The following GRID2 variants were observed in gnomAD, a reference collection of about 807,000 sequenced individuals.
GRID2 encodes glutamate ionotropic receptor delta type subunit 2.
GRID2 carries 33 observed loss-of-function variants against 114.8 expected under a neutral mutation model. The observed-to-expected ratio is 0.29, with a 90% CI of 0.22 to 0.38. The LOEUF is 0.38. Among genes scored for constraint, GRID2 ranks in the 10% least tolerant of loss-of-function variants. The probability of loss-of-function intolerance (pLI) is 1.00; values close to 1 mark genes in which losing one functional copy is unlikely to be tolerated. For missense variants in GRID2, 1,184 were observed against 1,257.7 expected, an observed-to-expected ratio of 0.94 and a Z score of 0.89; for synonymous variants, 505 against 449.9, an observed-to-expected ratio of 1.12 and a Z score of -1.55.
At chr4:92,957,359 T>C (rs1411866360) in intron 2 of GRID2, among the ~76,000 whole-genome samples, 3 of 152,146 alleles carry the variant, frequency 2.0e-5, no homozygotes, top group African/African-American at 4.8e-5. Flanking sequence ...TTAGATTCAT[T>C]TTTCTCCAGG....
chr4:92,984,581 C>T (rs1754394890), intron 2 of GRID2, among the ~76,000 whole-genome samples: 1 of 152,160 alleles, frequency 6.6e-6, no homozygotes, highest in Non-Finnish European at 1.5e-5. Context: ...CACCATAAAC[C>T]TCCGAGGTAG....
intron 1 of GRID2, among the ~76,000 whole-genome samples, chr4:92,440,298 A>G (rs1329895899): frequency 2.0e-4 from 28 of 143,282 alleles, no homozygotes; most frequent in African/African-American, 5.0e-4. Context: ...AGGCTGGTCT[A>G]TTATCAGACT....
chr4:93,140,606 GA>G (rs1735687961), intron 4 of GRID2, among the ~76,000 whole-genome samples: 1 of 152,098 alleles, frequency 6.6e-6, no homozygotes, highest in Non-Finnish European at 1.5e-5. Flanking sequence ...GTTGCCATTA[GA>G]AATGTTACTG....
chr4:92,544,931 A>G (rs1726167982), intron 1 of GRID2, among the ~76,000 whole-genome samples: 1 of 152,176 alleles, frequency 6.6e-6, no homozygotes, highest in Non-Finnish European at 1.5e-5. Context: ...TAATGAGCCC[A>G]GAAATTATGC....
intron 1 of GRID2, among the ~76,000 whole-genome samples, chr4:92,518,450 A>G (rs889923616): frequency 6.6e-6 from 1 of 151,938 alleles, no homozygotes; most frequent in Non-Finnish European, 1.5e-5. Context: ...TTTAAAAATG[A>G]GAAAGACAAA....
intron 8 of GRID2, among the ~76,000 whole-genome samples, chr4:93,250,092 G>A (rs1748682767): frequency 6.6e-6 from 1 of 152,042 alleles, no homozygotes; most frequent in Admixed American, 6.6e-5. Flanking sequence ...TTTGGAACTA[G>A]CCCAAATGTC....
intron 13 of GRID2, among the ~76,000 whole-genome samples, chr4:93,580,185 T>G (rs576905187): frequency 1.3e-5 from 2 of 152,230 alleles, no homozygotes; most frequent in South Asian, 4.1e-4. Context: ...AGTGAAGTGC[T>G]GCCAGCATTT....
chr4:92,554,288 CAG>C (rs1228383883), intron 1 of GRID2, among the ~76,000 whole-genome samples: 1 of 152,018 alleles, frequency 6.6e-6, no homozygotes, highest in Non-Finnish European at 1.5e-5. Flanking sequence ...AAGAAAGAAA[CAG>C]AGAAATCGAG....
chr4:93,149,848 C>T (rs539965782), intron 4 of GRID2, among the ~76,000 whole-genome samples: 10 of 151,648 alleles, frequency 6.6e-5, no homozygotes, highest in Non-Finnish European at 7.4e-5. Context: ...TTGACCAGGC[C>T]GGTCTTGAAC....
At chr4:93,139,271 G>A (rs565549881) in intron 4 of GRID2, among the ~76,000 whole-genome samples, 1 of 152,290 alleles carries the variant, frequency 6.6e-6, no homozygotes, top group South Asian at 2.1e-4. Flanking sequence ...AGACAGCTCT[G>A]TAGTAAAGGC....
intron 2 of GRID2, among the ~76,000 whole-genome samples, chr4:93,063,501 C>A (rs920488779): frequency 6.6e-6 from 1 of 151,880 alleles, no homozygotes; most frequent in Non-Finnish European, 1.5e-5. Flanking sequence ...ACAGCCTATA[C>A]ATGGATATAC....
At position 92,357,377 on chromosome 4, in the gene GRID2, TAAAC is replaced by T. The variant is rs1200798244; in HGVS notation, c.88+52639_88+52642del. On this transcript the variant is annotated intron_variant, in intron 1 of 15. Transcript: ENST00000282020. ...TTATGATAATAAAACAGATCTGAGT[TAAAC>T]AAACAGAAACACAAAATAATATTTA... Among the ~76,000 whole-genome samples, 3 of 152,004 alleles carry T rather than the reference TAAAC, an allele frequency of 2.0e-5. No individual in the cohort carries two copies. In the East Asian group the frequency reaches 5.8e-4, roughly 30 times the overall value.
At chr4:93,589,422 T>C (rs1321096738) in intron 13 of GRID2, among the ~76,000 whole-genome samples, 1 of 151,986 alleles carries the variant, frequency 6.6e-6, no homozygotes, top group African/African-American at 2.4e-5. Context: ...ATGGTGTATA[T>C]GTGCCACATT....
chr4:92,891,122 C>T (rs1433382784), intron 2 of GRID2, among the ~76,000 whole-genome samples: 1 of 151,370 alleles, frequency 6.6e-6, no homozygotes, highest in Admixed American at 6.6e-5. Flanking sequence ...TGGGGAGTCG[C>T]GGGGGCTAGG....
chr4:92,341,664 TAA>T, intron 1 of GRID2, among the ~76,000 whole-genome samples: 1 of 152,262 alleles, frequency 6.6e-6, no homozygotes, highest in Non-Finnish European at 1.5e-5. Flanking sequence ...CTCACGTCTG[TAA>T]TCCCAGCACT....
intron 2 of GRID2, among the ~76,000 whole-genome samples, chr4:92,632,011 T>G (rs948733627): frequency 3.9e-5 from 6 of 152,170 alleles, no homozygotes; most frequent in Admixed American, 2.6e-4. Context: ...GTTCTCAGTT[T>G]TTAATAATAA....
At chr4:93,326,354 A>G (rs1757835556) in intron 8 of GRID2, among the ~76,000 whole-genome samples, 1 of 152,136 alleles carries the variant, frequency 6.6e-6, no homozygotes, top group South Asian at 2.1e-4. Flanking sequence ...ACATTTAAAC[A>G]TGGACTGCAG....
intron 3 of GRID2, among the ~76,000 whole-genome samples, chr4:93,088,073 T>C (rs1297632932): frequency 6.6e-6 from 1 of 152,102 alleles, no homozygotes; most frequent in Admixed American, 6.6e-5. Flanking sequence ...TAGAAAAAAA[T>C]ATATACTTTT....
chr4:93,547,002 C>T (rs529358092), intron 13 of GRID2, among the ~76,000 whole-genome samples: 51 of 152,100 alleles, frequency 3.4e-4, no homozygotes, highest in Non-Finnish European at 4.4e-4. Context: ...CTAATTTTGC[C>T]GTCAACAAAG....
Sources: allele counts gnomAD v4.1 joint callset (sites outside exome capture counted in the v4.1 genomes callset), GRCh38; gene constraint gnomAD v4.1.1; transcripts MANE v1.5; gene names NCBI Gene and HGNC (gene_info 2026-07-23, HGNC 2026-07-21).